Variants in GABRG3 observed in about 807,000 individuals in gnomAD.
GABRG3 encodes the protein gamma-aminobutyric acid receptor subunit gamma-3.
GABRG3 carries 25 observed loss-of-function variants against 48.8 expected under a neutral mutation model. The ratio of observed to expected loss-of-function variants is 0.51; its 90% CI spans 0.37 to 0.72. GABRG3 has a LOEUF of 0.72. Among genes scored for constraint, GABRG3 ranks in the 30% least tolerant of loss-of-function variants. The pLI, the probability that GABRG3 is intolerant of heterozygous loss-of-function variation, is 0.00. For missense variants in GABRG3, 394 were observed against 577.9 expected, an observed-to-expected ratio of 0.68 and a Z score of 3.26; for synonymous variants, 227 against 217.6, an observed-to-expected ratio of 1.04 and a Z score of -0.38.
At position 27,236,004 on chromosome 15, in the gene GABRG3, T is replaced by G. The variant is rs1339710606; in HGVS notation, c.271-90805T>G. Among the ~76,000 whole-genome samples, 2 of 152,196 alleles carry G rather than the reference T, an allele frequency of 1.3e-5. No homozygotes were observed. The highest frequency in any genetic ancestry group is 2.9e-5 in the Non-Finnish European group (2 of 68,032). On this transcript the variant is annotated intron_variant, in intron 3 of 9. Transcript: ENST00000615808. This position sits in a 1 kb window ranked among gnomAD's most constrained non-coding sequence, Gnocchi z 4.4. ...AGTAAAGTTCTCTACAAAAGATCAC[T>G]TTGCAGAGCTTCTTCTGAGTCTGCA... is the stretch of plus-strand genomic sequence containing the variant.
intron 3 of GABRG3, among the ~76,000 whole-genome samples, chr15:27,058,456 CTGTT>C (rs1427765249): frequency 6.6e-6 from 1 of 152,182 alleles, no homozygotes; most frequent in Non-Finnish European, 1.5e-5. Flanking sequence ...TCTGATTGCT[CTGTT>C]TGACTCAGTG....
At chr15:27,204,803 TGTGA>T (rs1419424111) in intron 3 of GABRG3, among the ~76,000 whole-genome samples, 1 of 152,240 alleles carries the variant, frequency 6.6e-6, no homozygotes, top group African/African-American at 2.4e-5. Context: ...TTGTGGCCAT[TGTGA>T]GTGAGATTGC....
intron 5 of GABRG3, among the ~76,000 whole-genome samples, chr15:27,412,596 G>A (rs762680248): frequency 2.0e-5 from 3 of 152,190 alleles, no homozygotes; most frequent in Non-Finnish European, 2.9e-5. Flanking sequence ...TTAGAGGTAG[G>A]TGGTAAAAAT....
chr15:27,501,405 T>C (rs1890635165), intron 6 of GABRG3, among the ~76,000 whole-genome samples: 1 of 152,128 alleles, frequency 6.6e-6, no homozygotes, highest in South Asian at 2.1e-4. Context: ...TCCCTGCAGA[T>C]AGTTATGGGA....
chr15:27,059,966 T>G (rs942200505), intron 3 of GABRG3, among the ~76,000 whole-genome samples: 4 of 152,246 alleles, frequency 2.6e-5, no homozygotes, highest in Admixed American at 6.5e-5. Flanking sequence ...TTAGATTTTC[T>G]TCTCTTAAGT....
intron 3 of GABRG3, among the ~76,000 whole-genome samples, chr15:27,320,800 T>C (rs1893397648): frequency 6.6e-6 from 1 of 152,198 alleles, no homozygotes; most frequent in Non-Finnish European, 1.5e-5. Context: ...TTTTAAAATA[T>C]GACATTTTTC....
At chr15:27,527,658 G>T in intron 8 of GABRG3, 29 bp downstream of exon 8, 2 of 1,570,496 alleles carry the variant, frequency 1.3e-6, no homozygotes, top group Non-Finnish European at 1.7e-6. Flanking sequence ...GGTTCTCCGG[G>T]AGGTAATGGG....
chr15:27,496,249 A>C (rs1283640155), intron 6 of GABRG3, among the ~76,000 whole-genome samples: 1 of 151,604 alleles, frequency 6.6e-6, no homozygotes, highest in Non-Finnish European at 1.5e-5. Context: ...TTGGGGGATC[A>C]CATTACAACA....
At chr15:27,527,909 T>TTA (rs1191046541) in intron 8 of GABRG3, 24 bp from the exon 9 acceptor site, 8 of 1,530,454 alleles carry the variant, frequency 5.2e-6, no homozygotes, top group Non-Finnish European at 7.1e-6. Context: ...AGTTTCCTAG[T>TTA]TATTTTTTCT....
chr15:27,239,212 C>G (rs1029394731), intron 3 of GABRG3, among the ~76,000 whole-genome samples: 8 of 152,182 alleles, frequency 5.3e-5, no homozygotes, highest in African/African-American at 1.9e-4. Flanking sequence ...AGTTGCTTGG[C>G]AGATGTCCTT....
intron 3 of GABRG3, among the ~76,000 whole-genome samples, chr15:27,130,067 G>T (rs1327872021): frequency 2.6e-5 from 4 of 151,966 alleles, no homozygotes; most frequent in African/African-American, 7.3e-5. Flanking sequence ...ATGTAGTCCA[G>T]TTTATCTATT....
At chr15:27,240,153 C>T (rs534335117) in intron 3 of GABRG3, among the ~76,000 whole-genome samples, 24 of 152,306 alleles carry the variant, frequency 1.6e-4, no homozygotes, top group South Asian at 1.0e-3. Flanking sequence ...AAATGATCAT[C>T]GTGACTCTCT....
At chr15:27,309,374 G>A (rs1196042780) in intron 3 of GABRG3, among the ~76,000 whole-genome samples, 2 of 151,484 alleles carry the variant, frequency 1.3e-5, no homozygotes, top group African/African-American at 4.8e-5. Flanking sequence ...TGTAGATATG[G>A]GTAAGGTATT....
At chr15:27,009,596 T>C (rs1379287770) in intron 2 of GABRG3, among the ~76,000 whole-genome samples, 2 of 152,198 alleles carry the variant, frequency 1.3e-5, no homozygotes, top group Non-Finnish European at 2.9e-5. Flanking sequence ...ACCATACTCA[T>C]GTTCTAAATG....
chr15:26,988,987 A>C (rs1289393821), intron 2 of GABRG3, among the ~76,000 whole-genome samples: 1 of 152,148 alleles, frequency 6.6e-6, no homozygotes, highest in African/African-American at 2.4e-5. Context: ...TATTCACAAT[A>C]TTGTGCAGCC....
chr15:27,499,625 T>A (rs1233400118), intron 6 of GABRG3, among the ~76,000 whole-genome samples: 1 of 152,262 alleles, frequency 6.6e-6, no homozygotes, highest in Non-Finnish European at 1.5e-5. Flanking sequence ...TCGTAGCTCT[T>A]ATTGAAGGAA....
At position 27,306,684 on chromosome 15, in the gene GABRG3, ATG is replaced by A. The variant is rs1192832381; in HGVS notation, c.271-20124_271-20123del. ...AACATGTTTATATATAAACATATAT[ATG>A]AACATGTTTATATATAAACATATAC... is the stretch of plus-strand genomic sequence containing the variant. On this transcript the variant is annotated intron_variant, in intron 3 of 9. Coordinates refer to ENST00000615808, the MANE Select transcript of GABRG3 (RefSeq NM_033223.5). 3.4e-4 allele frequency among the ~76,000 whole-genome samples: 43 copies of A among 128,246 alleles called. 1 individual carries two copies. The highest frequency in any genetic ancestry group is 7.2e-4 in the South Asian group (3 of 4,188). The allele number at this position is 128,246 out of a possible 152,430, so 84.1% of individuals were successfully genotyped here. A position where few individuals can be genotyped will look rare whatever the true frequency, so the allele number is the denominator to read the frequency against.
chr15:26,971,632 C>T (rs1232915836), intron 1 of GABRG3, 44 bp downstream of exon 1: 2 of 1,513,832 alleles, frequency 1.3e-6, no homozygotes, highest in Non-Finnish European at 1.8e-6. Context: ...CCGAGCTGGG[C>T]GACAGGGCGG....
chr15:27,072,241 G>A (rs1422740175), intron 3 of GABRG3, among the ~76,000 whole-genome samples: 2 of 152,066 alleles, frequency 1.3e-5, no homozygotes, highest in Non-Finnish European at 1.5e-5. Flanking sequence ...TTCATATTAC[G>A]AATGGAATTT....
Sources: allele counts gnomAD v4.1 joint callset (sites outside exome capture counted in the v4.1 genomes callset), GRCh38; gene constraint gnomAD v4.1.1; non-coding constraint Gnocchi (gnomAD v3.1); transcripts MANE v1.5; gene names NCBI Gene and HGNC (gene_info 2026-07-23, HGNC 2026-07-21).